Variants in GOLGA5 observed in about 807,000 individuals in gnomAD.
The protein encoded by GOLGA5 is golgin subfamily A member 5.
A neutral mutation model predicts 93.5 loss-of-function variants in GOLGA5; 50 were observed. That is an observed-to-expected ratio of 0.53 (90% CI 0.43 to 0.68). The LOEUF (loss-of-function observed/expected upper bound fraction) is 0.68. GOLGA5 is among the 30% of genes least tolerant of loss of function. The pLI, the probability that GOLGA5 is intolerant of heterozygous loss-of-function variation, is 0.00. For missense variants in GOLGA5, 760 were observed against 856.4 expected (o/e 0.89, Z 1.40); for synonymous variants, 312 against 304.5 (o/e 1.02, Z -0.26).
intron 7 of GOLGA5, 48 bp from the exon 8 acceptor site, chr14:92,819,660 G>T: frequency 6.3e-7 from 1 of 1,584,192 alleles, no homozygotes; most frequent in South Asian, 1.1e-5. Context: ...AATAAATGTT[G>T]AACTGAATGT....
At chr14:92,805,978 T>TAAGAAA (rs1884975858) in intron 2 of GOLGA5, among the ~76,000 whole-genome samples, 1 of 103,824 alleles carries the variant, frequency 9.6e-6, no homozygotes, top group African/African-American at 5.9e-5. Context: ...TCCAGTTTGA[T>TAAGAAA]TAAAAAAAAA....
intron 2 of GOLGA5, among the ~76,000 whole-genome samples, chr14:92,799,986 G>A (rs535825133): frequency 6.6e-6 from 1 of 152,298 alleles, no homozygotes; most frequent in South Asian, 2.1e-4. Context: ...TGTCTTGGCT[G>A]TTAGTGAATA....
At chr14:92,826,689 C>T (rs1885428599) in intron 9 of GOLGA5, among the ~76,000 whole-genome samples, 1 of 146,618 alleles carries the variant, frequency 6.8e-6, no homozygotes, top group African/African-American at 2.5e-5. Context: ...CAGAGCCAGA[C>T]TCTATCTCAA....
In GOLGA5 at chr14:92,809,428, C is replaced by T. The variant is rs199594701; in HGVS notation, c.901C>T (p.Leu301=). Reference sequence around the variant, plus strand: ...AGCTGTGGCTGCAAAGGATTCCCAGCTGGCTGTACTGAAAGTGAGACTCCA... The same window carrying T: ...AGCTGTGGCTGCAAAGGATTCCCAGTTGGCTGTACTGAAAGTGAGACTCCA... The part of the protein sequence containing the change: ...TEAVAAKDSQ[L]AVLKVRLQEA... The change falls in exon 4 of 13, where the codon CTG becomes TTG. Residue 301 remains leucine, a synonymous_variant. Coordinates refer to ENST00000163416, the MANE Select transcript of GOLGA5 (RefSeq NM_005113.4). 9.3e-6 allele frequency: 15 copies of T among 1,613,948 alleles called. No individual in the cohort carries two copies. In the East Asian group the frequency reaches 3.3e-4, roughly 36 times the overall value.
intron 6 of GOLGA5, 25 bp from the exon 7 acceptor site, chr14:92,816,225 TA>T: frequency 6.5e-7 from 1 of 1,526,836 alleles, no homozygotes; most frequent in Non-Finnish European, 9.0e-7. Context: ...CTGCTTTGCT[TA>T]AACATATTTC....
chr14:92,807,025 C>A, intron 3 of GOLGA5, 62 bp downstream of exon 3: 1 of 1,133,542 alleles, frequency 8.8e-7, no homozygotes, highest in South Asian at 1.3e-5. Flanking sequence ...TAAGGCTGGA[C>A]GCAGTGGCTC....
chr14:92,808,151 C>G (rs1885029364), intron 3 of GOLGA5, among the ~76,000 whole-genome samples: 1 of 151,998 alleles, frequency 6.6e-6, no homozygotes, highest in African/African-American at 2.4e-5. Flanking sequence ...GGAGAATTGC[C>G]TGAACCCAGA....
At chr14:92,830,965 C>T (rs1425776704) in intron 9 of GOLGA5, among the ~76,000 whole-genome samples, 1 of 152,114 alleles carries the variant, frequency 6.6e-6, no homozygotes, top group African/African-American at 2.4e-5. Context: ...TTGCAATATT[C>T]ACTTTATTCC....
chr14:92,837,586 CAG>C (rs1885673748), intron 12 of GOLGA5, 137 bp downstream of exon 12: 2 of 600,640 alleles, frequency 3.3e-6, no homozygotes, highest in African/African-American at 3.8e-5. Context: ...TTTTTTGAAA[CAG>C]GGTCTGGCTC....
intron 8 of GOLGA5, among the ~76,000 whole-genome samples, chr14:92,820,588 G>A (rs1453709516): frequency 2.0e-5 from 3 of 152,178 alleles, no homozygotes; most frequent in African/African-American, 7.2e-5. Flanking sequence ...GGACGGTCAG[G>A]TCTTTCCCAT....
chr14:92,799,022 C>T (rs760417115), intron 2 of GOLGA5, among the ~76,000 whole-genome samples: 6 of 152,004 alleles, frequency 3.9e-5, no homozygotes, highest in South Asian at 2.1e-4. Flanking sequence ...GCTTAAGTGC[C>T]GTGATGCTAT....
chr14:92,835,565 G>C lies in GOLGA5; in HGVS notation c.1952G>C (p.Arg651Pro), dbSNP rs142072754. ...TATTTTCTTATTTAAACAGGCACTC[G>C]TCTGCGAAATGTTCCTGTTCTTTTT... ...MSGIDNGEGTRLRNVPVLFND... is the reference protein window; with the variant it reads ...MSGIDNGEGTPLRNVPVLFND... The change falls in exon 11 of 13, where the codon CGT becomes CCT. Residue 651 changes from arginine (R) to proline (P), a missense_variant. Physicochemically the swap from Arg to Pro is moderately radical, Grantham distance 103. Transcript: ENST00000163416. 4.0e-5 allele frequency: 65 copies of C among 1,607,184 alleles called. No homozygotes were observed. The highest frequency in any genetic ancestry group is 5.5e-5 in the Non-Finnish European group (64 of 1,174,066).
At chr14:92,794,657 T>A (rs770757752) in intron 1 of GOLGA5, among the ~76,000 whole-genome samples, 1 of 152,242 alleles carries the variant, frequency 6.6e-6, no homozygotes, top group Non-Finnish European at 1.5e-5. Context: ...CTCCTCTGTC[T>A]TCCTTTCTCC....
At chr14:92,837,507 T>TTC in intron 12 of GOLGA5, 58 bp downstream of exon 12, 13 of 771,078 alleles carry the variant, frequency 1.7e-5, no homozygotes, top group Non-Finnish European at 2.3e-5. Flanking sequence ...AGTTTTTTTT[T>TTC]TTGTTTGTTT....
At chr14:92,837,009 T>C (rs2140339170) in intron 11 of GOLGA5, among the ~76,000 whole-genome samples, 1 of 151,744 alleles carries the variant, frequency 6.6e-6, no homozygotes, top group Non-Finnish European at 1.5e-5. Context: ...AAGCAGAGGT[T>C]GCCGTGGGCA....
Position 92,806,826 on chromosome 14 carries a change from C to G in GOLGA5, c.635C>G (p.Thr212Ser), listed in dbSNP as rs148037758. The change falls in exon 3 of 13, where the codon ACC (threonine) becomes AGC (serine). Residue 212 changes from threonine (T) to serine (S), a missense_variant. Coordinates refer to ENST00000163416, the MANE Select transcript of GOLGA5 (RefSeq NM_005113.4). The stretch of plus-strand genomic sequence containing the variant: ...TCAAATGCTGCCTGCCCTGACCACA[C>G]CCCAACACCTAATGATGATGGCAAA... ...VSSNAACPDH[T>S]PTPNDDGKSH... 2 of 1,612,946 alleles carry G rather than the reference C, an allele frequency of 1.2e-6. No homozygotes were observed. The highest frequency in any genetic ancestry group is 8.5e-7 in the Non-Finnish European group (1 of 1,178,936).
chr14:92,797,796 A>T lies in GOLGA5; in HGVS notation c.359A>T (p.Asp120Val), dbSNP rs1033897200. 1 of 1,613,776 alleles carries T rather than the reference A, an allele frequency of 6.2e-7. No homozygotes were observed. Among genetic ancestry groups the T allele is most frequent in the Admixed American group, 1.7e-5 (1 of 59,958 alleles). Reference protein sequence around the residue: ...FVRRKKSEPDDELLFDFLNSS... With the variant: ...FVRRKKSEPDVELLFDFLNSS... ...CGAAGAAAAAAGTCAGAACCTGATG[A>T]TGAGCTGCTGTTTGATTTTCTTAAT... Residue 120 changes from aspartate to valine, a missense_variant, in exon 2 of 13, where the codon GAT becomes GTT. Transcript: ENST00000163416.
At position 92,839,788 on chromosome 14, in the gene GOLGA5, AATTGT is replaced by A; in HGVS notation, c.*346_*350del. On this transcript the variant is annotated 3_prime_UTR_variant, in exon 13 of 13. Transcript: ENST00000163416. ...ATTATGGGTTATAATCAGGGAAACT[AATTGT>A]ATTTAGTGACAAAAATAAAAAGTTT... 1 of 265,762 alleles carries A rather than the reference AATTGT, an allele frequency of 3.8e-6. No individual in the cohort carries two copies. Among genetic ancestry groups the A allele is most frequent in the Non-Finnish European group, 6.9e-6 (1 of 144,166 alleles). 16.5% of individuals were successfully genotyped at this position (265,762 alleles called of 1,614,324 possible).
chr14:92,816,153 G>A (rs1885199389), intron 6 of GOLGA5, 98 bp from the exon 7 acceptor site: 1 of 771,060 alleles, frequency 1.3e-6, no homozygotes, highest in Non-Finnish European at 2.1e-6. Context: ...TGGAGATAAT[G>A]GAATTTTTTT....
Sources: allele counts gnomAD v4.1 joint callset (sites outside exome capture counted in the v4.1 genomes callset), GRCh38; gene constraint gnomAD v4.1.1; transcripts MANE v1.5; gene names NCBI Gene and HGNC (gene_info 2026-07-23, HGNC 2026-07-21).